CLEC4M: variants seen among roughly 807,000 people sequenced by gnomAD.
The protein encoded by CLEC4M is CD209 antigen-like protein 1.
Under a neutral mutation model 39.1 loss-of-function variants are expected in CLEC4M, and 25 were observed. The ratio of observed to expected loss-of-function variants is 0.64; its 90% confidence interval spans 0.47 to 0.89. CLEC4M has a LOEUF of 0.89. Ranked by LOEUF, CLEC4M falls within the 40% of genes least tolerant of loss-of-function variation. The probability of loss-of-function intolerance (pLI) is 0.00; values close to 1 mark genes in which losing one functional copy is unlikely to be tolerated. For synonymous variants in CLEC4M, 155 were observed against 177.4 expected, an observed-to-expected ratio of 0.87 and a Z score of 1.00; for missense variants, 353 against 431.4, an observed-to-expected ratio of 0.82 and a Z score of 1.61.
intron 6 of CLEC4M, 60 bp downstream of exon 6, chr19:7,767,688 T>A: frequency 2.7e-6 from 4 of 1,470,842 alleles, no homozygotes; most frequent in Non-Finnish European, 3.8e-6. Flanking sequence ...CAACTCTGAC[T>A]TGAGCTTTCC....
chr19:7,767,940 G>T, intron 6 of CLEC4M: 1 of 244,768 alleles, frequency 4.1e-6, no homozygotes, highest in Non-Finnish European at 8.1e-6. Context: ...TACACAAAGT[G>T]AGTAGCTTAT....
chr19:7,765,130 C>T, intron 2 of CLEC4M, 55 bp from the exon 3 acceptor site: 1 of 1,593,412 alleles, frequency 6.3e-7, no homozygotes. Context: ...CAGGCTCTCC[C>T]TGGGCCAGGC....
chr19:7,763,644 C>T (rs1017564735), intron 2 of CLEC4M, among the ~76,000 whole-genome samples, 168 bp downstream of exon 2: 4 of 151,392 alleles, frequency 2.6e-5, no homozygotes, highest in African/African-American at 9.7e-5. Flanking sequence ...ACTCCTCACA[C>T]CTGGGGAGGT....
chr19:7,764,448 T>G (rs753332169), intron 2 of CLEC4M, among the ~76,000 whole-genome samples: 3 of 152,036 alleles, frequency 2.0e-5, no homozygotes, highest in Non-Finnish European at 4.4e-5. Flanking sequence ...AACAGGCAGT[T>G]AATTCTTTTT....
Position 7,767,627 on chromosome 19 carries a change from A to T in CLEC4M, c.1048A>T (p.Ser350Cys), listed in dbSNP as rs374069052. ...QWVDGSPLSP[S>C]FQRYWNSGEP... ...GGTGGACGGCTCACCTCTGTCACCC[A>T]GGTAGATTCTGGGAGAAAGGGACAC... The change falls in exon 6 of 7, where the codon AGC becomes TGC. Residue 350 changes from serine (S) to cysteine (C), a missense_variant and splice_region_variant. Ser to Cys is a moderately radical substitution (Grantham distance 112). This residue lies in a region of CLEC4M where 196 missense variants were observed against 211.7 expected (regional missense o/e 0.93). Coordinates refer to ENST00000327325, the MANE Select transcript of CLEC4M (RefSeq NM_014257.5). 1 of 1,613,344 alleles carries T rather than the reference A, an allele frequency of 6.2e-7. No individual in the cohort carries two copies. The highest frequency in any genetic ancestry group is 1.1e-5 in the South Asian group (1 of 91,056).
In CLEC4M at chr19:7,766,227, G is replaced by A; in HGVS notation, c.784+20G>A. ...CATTTGGTGAGTTCCTGCACATCAA[G>A]GGTCCTTGGGCCTGAGATGGTCTCT... On this transcript the variant is annotated intron_variant, in intron 4 of 6. Coordinates refer to ENST00000327325, the MANE Select transcript of CLEC4M (RefSeq NM_014257.5). The A allele has an allele frequency of 1.9e-6, 3 of 1,613,100 alleles. No homozygotes were observed. Among genetic ancestry groups the A allele is most frequent in the South Asian group, 1.1e-5 (1 of 91,066 alleles).
rs1264308454 is a variant in CLEC4M at position 7,763,292 on chromosome 19, T to G, written c.26T>G (p.Val9Gly). 6.2e-7 allele frequency: 1 copy of G among 1,607,858 alleles called. No individual in the cohort carries two copies. The highest frequency in any genetic ancestry group is 2.2e-5 in the East Asian group (1 of 44,686). Residue 9 changes from valine (V) to glycine (G), a missense_variant, in exon 1 of 7, where the codon GTG becomes GGG. Physicochemically the swap from Val to Gly is moderately radical, Grantham distance 109. Around this residue, in one of 4 missense-constraint regions of CLEC4M, gnomAD observed 91 missense variants for 77.8 expected, o/e 1.17. Transcript: ENST00000327325. MSDSKEPR[V>G]QQLGLLEEDP... ...ATGAGTGACTCCAAGGAACCAAGGGTGCAGCAGCTGGGCCTCCTGGGTAAG... is the reference window on the plus strand; with the variant it reads ...ATGAGTGACTCCAAGGAACCAAGGGGGCAGCAGCTGGGCCTCCTGGGTAAG...
rs2146366286 is a variant in CLEC4M at position 7,768,969 on chromosome 19, C to T, written c.1181C>T (p.Ala394Val). 1 of 1,614,064 alleles carries T rather than the reference C, an allele frequency of 6.2e-7. No individual in the cohort carries two copies. Among genetic ancestry groups the T allele is most frequent in the Non-Finnish European group, 8.5e-7 (1 of 1,179,930 alleles). The change falls in exon 7 of 7, where the codon GCC becomes GTC. Residue 394 changes from alanine to valine, a missense_variant. Physicochemically the swap from Ala to Val is moderately conservative, Grantham distance 64. This residue lies in a region of CLEC4M where 196 missense variants were observed against 211.7 expected (regional missense o/e 0.93). Coordinates refer to ENST00000327325, the MANE Select transcript of CLEC4M (RefSeq NM_014257.5). Reference sequence around the variant, plus strand: ...TACTGGATCTGCAAAAAGCCCGCAGCCTGCTTCAGAGACGAATAGTTGTTT... The same window carrying T: ...TACTGGATCTGCAAAAAGCCCGCAGTCTGCTTCAGAGACGAATAGTTGTTT... ...DNYWICKKPA[A>V]CFRDE
At position 7,763,418 on chromosome 19, in the gene CLEC4M, C is replaced by G; in HGVS notation, c.72C>G (p.Ile24Met). ...AAGAAGATCCAACAACCAGTGGCAT[C>G]AGACTTTTTCCAAGAGACTTTCAAT... ...LLEEDPTTSG[I>M]RLFPRDFQFQ... Residue 24 changes from isoleucine to methionine, a missense_variant, in exon 2 of 7, where the codon ATC (isoleucine) becomes ATG (methionine). Ile to Met is a conservative substitution (Grantham distance 10). This residue lies in a region of CLEC4M where 91 missense variants were observed against 77.8 expected (regional missense o/e 1.17). Transcript: ENST00000327325. 1 of 1,614,086 alleles carries G rather than the reference C, an allele frequency of 6.2e-7. No homozygotes were observed. Among genetic ancestry groups the G allele is most frequent in the Non-Finnish European group, 8.5e-7 (1 of 1,180,008 alleles).
chr19:7,763,586 C>T (rs1340027887), intron 2 of CLEC4M, 110 bp downstream of exon 2: 15 of 888,614 alleles, frequency 1.7e-5, no homozygotes, highest in Admixed American at 9.9e-5. Flanking sequence ...GAAGGAAGGT[C>T]TGAGACCTGG....
Position 7,765,981 on chromosome 19 carries a change from C to A in CLEC4M, c.558C>A (p.Thr186=). 1.6e-6 allele frequency: 1 copy of A among 638,330 alleles called. No homozygotes were observed. The highest frequency in any genetic ancestry group is 2.8e-5 in the East Asian group (1 of 36,174). The allele number at this position is 638,330 out of a possible 1,614,324, so 39.5% of individuals were successfully genotyped here. A position where few individuals can be genotyped will look rare whatever the true frequency, so the allele number is the denominator to read the frequency against. The part of the protein sequence containing the change: ...SKLQEIYQEL[T]RLKAAVGELP... ...TGCAGGAGATCTACCAGGAGCTGAC[C>A]CGGCTGAAGGCTGCAGTGGGTGAGT... The change falls in exon 4 of 7, where the codon ACC becomes ACA. Residue 186 remains threonine, a synonymous_variant. Coordinates refer to ENST00000327325, the MANE Select transcript of CLEC4M (RefSeq NM_014257.5).
At chr19:7,767,817 A>G in intron 6 of CLEC4M, 189 bp downstream of exon 6, 4 of 563,900 alleles carry the variant, frequency 7.1e-6, no homozygotes, top group South Asian at 2.2e-5. Context: ...CAAGAATTCC[A>G]CCAGCAGAGC....
intron 3 of CLEC4M, 42 bp downstream of exon 3, chr19:7,765,310 C>G: frequency 1.2e-6 from 2 of 1,604,158 alleles, no homozygotes; most frequent in Non-Finnish European, 8.5e-7. Context: ...CCAGGCCTGG[C>G]CTTTTGGCTA....
intron 5 of CLEC4M, chr19:7,767,148 G>A (rs1044757326): frequency 2.2e-6 from 1 of 446,244 alleles, no homozygotes; most frequent in African/African-American, 2.0e-5. Flanking sequence ...AAGCTGTGAT[G>A]TGCTGTCACT....
chr19:7,767,536 T>G lies in CLEC4M; in HGVS notation c.957T>G (p.Thr319=), dbSNP rs766351094. ...TCCAGAACTTCCTACAGCTGCAGAC[T>G]TCCAGGAGTAACCGCTTCTCCTGGA... is the stretch of plus-strand genomic sequence containing the variant. ...AEEQNFLQLQ[T]SRSNRFSWMG... The change falls in exon 6 of 7, where the codon ACT becomes ACG. Residue 319 remains threonine (T), a synonymous_variant. Transcript: ENST00000327325. 3 of 1,614,130 alleles carry G rather than the reference T, an allele frequency of 1.9e-6. No individual in the cohort carries two copies. The Admixed American group carries it at 5.0e-5, about 27-fold the overall frequency.
chr19:7,768,182 TG>T (rs1417158773), intron 6 of CLEC4M: 1 of 157,348 alleles, frequency 6.4e-6, no homozygotes, highest in Non-Finnish European at 1.4e-5. Flanking sequence ...CACCTGGCCT[TG>T]GGGTGATTAG....
In CLEC4M at chr19:7,769,130, C is replaced by G. The variant is rs2034413537; in HGVS notation, c.*142C>G. 1.9e-5 allele frequency: 15 copies of G among 799,626 alleles called. No individual in the cohort carries two copies. The Admixed American group carries it at 3.5e-4, about 19-fold the overall frequency. 49.5% of individuals were successfully genotyped at this position (799,626 alleles called of 1,614,324 possible). On this transcript the variant is annotated 3_prime_UTR_variant, in exon 7 of 7. Transcript: ENST00000327325. ...GTTCGATTTTTCATCCCCTATGAAC[C>G]TGGGTCTTATTCTGTCCTTCTGATG... is the stretch of plus-strand genomic sequence containing the variant.
chr19:7,767,440 T>G (rs1431784222), intron 5 of CLEC4M, 76 bp from the exon 6 acceptor site: 1 of 1,142,630 alleles, frequency 8.8e-7, no homozygotes, highest in Non-Finnish European at 1.3e-6. Context: ...AGCAGAACTT[T>G]CTGCCAAGAG....
intron 4 of CLEC4M, 185 bp downstream of exon 4, chr19:7,766,392 C>A: frequency 6.8e-7 from 1 of 1,462,616 alleles, no homozygotes; most frequent in Non-Finnish European, 9.0e-7. Context: ...CTCAGTTCAA[C>A]CAATCCGCTG....
Sources: gnomAD v4.1 joint callset for allele counts (sites outside exome capture counted in the v4.1 genomes callset) on GRCh38, gnomAD v4.1.1 for gene constraint, gnomAD v4.1.1 regional missense constraint, MANE v1.5 for transcripts, NCBI Gene and HGNC (gene_info 2026-07-23, HGNC 2026-07-21) for gene names.